The following SOX6 variants were observed in gnomAD, a reference collection of about 807,000 sequenced individuals.
SOX6 encodes SRY-box transcription factor 6.
A neutral mutation model predicts 97.8 loss-of-function variants in SOX6; 11 were observed. The observed-to-expected ratio is 0.11, with a 90% CI of 0.07 to 0.19. The LOEUF is 0.19. Ranked by LOEUF, SOX6 falls within the 10% of genes least tolerant of loss-of-function variation. SOX6 has a pLI of 1.00. For missense variants in SOX6, 810 were observed against 1,039.5 expected (o/e 0.78, Z 3.04); for synonymous variants, 360 against 371.4 (o/e 0.97, Z 0.35).
intron 6 of SOX6, among the ~76,000 whole-genome samples, chr11:16,183,349 C>T (rs1360440299): frequency 6.6e-6 from 1 of 151,896 alleles, no homozygotes; most frequent in South Asian, 2.1e-4. Flanking sequence ...AGTTTTTCTT[C>T]CTTTTTAGAC....
At chr11:16,652,845 G>A (rs556634170) in intron 3 of SOX6, among the ~76,000 whole-genome samples, 2 of 152,088 alleles carry the variant, frequency 1.3e-5, no homozygotes, top group South Asian at 4.2e-4. Context: ...AATAGGAGAA[G>A]ATATTCACAA....
At chr11:16,007,951 T>C (rs1270010541) in intron 13 of SOX6, among the ~76,000 whole-genome samples, 2 of 152,070 alleles carry the variant, frequency 1.3e-5, no homozygotes, top group Non-Finnish European at 2.9e-5. Context: ...TCAGTTGCTG[T>C]AGCAAGTTGG....
At chr11:16,254,245 A>C (rs1010990444) in intron 3 of SOX6, among the ~76,000 whole-genome samples, 3 of 152,080 alleles carry the variant, frequency 2.0e-5, no homozygotes, top group Non-Finnish European at 2.9e-5. Context: ...ATAGTTTAGA[A>C]ACTCAGATGT....
At chr11:16,008,245 G>T (rs904883131) in intron 13 of SOX6, among the ~76,000 whole-genome samples, 5 of 152,032 alleles carry the variant, frequency 3.3e-5, no homozygotes, top group Non-Finnish European at 5.9e-5. Context: ...TTTTTTGTGT[G>T]AATATTTTTT....
chr11:16,541,187 T>C (rs548083130), intron 4 of SOX6, among the ~76,000 whole-genome samples: 2 of 152,190 alleles, frequency 1.3e-5, no homozygotes, highest in Non-Finnish European at 2.9e-5. Flanking sequence ...AGCCATCTGA[T>C]CTTTGACAAA....
intron 4 of SOX6, among the ~76,000 whole-genome samples, chr11:16,597,524 A>C (rs1848226155): frequency 6.6e-6 from 1 of 151,930 alleles, no homozygotes; most frequent in South Asian, 2.1e-4. Context: ...TCTTCAAAAA[A>C]TCAAAATTGA....
At chr11:16,544,073 G>T (rs899867877) in intron 4 of SOX6, among the ~76,000 whole-genome samples, 1 of 152,030 alleles carries the variant, frequency 6.6e-6, no homozygotes, top group African/African-American at 2.4e-5. Context: ...CTAAAAAAAT[G>T]GATAAACTTA....
intron 1 of SOX6, among the ~76,000 whole-genome samples, chr11:16,447,712 T>C (rs867322816): frequency 2.6e-5 from 4 of 152,104 alleles, no homozygotes; most frequent in African/African-American, 9.7e-5. Flanking sequence ...CTAAATAATA[T>C]GAAGATCAAA....
intron 4 of SOX6, among the ~76,000 whole-genome samples, chr11:16,600,916 A>T (rs1427793480): frequency 6.6e-6 from 1 of 152,200 alleles, no homozygotes; most frequent in African/African-American, 2.4e-5. Flanking sequence ...ATTAATATAA[A>T]TTGCTTTTCC....
intron 3 of SOX6, chr11:16,313,741 A>C (rs2134293720): frequency 6.6e-6 from 1 of 152,022 alleles, no homozygotes; most frequent in South Asian, 2.1e-4. Flanking sequence ...ACTCAGAATA[A>C]AAAAATTCTC....
intron 1 of SOX6, among the ~76,000 whole-genome samples, chr11:16,342,731 A>T (rs1202243540): frequency 2.6e-5 from 4 of 151,952 alleles, no homozygotes; most frequent in Admixed American, 6.6e-5. Context: ...CTCACAATTA[A>T]TGAGGGGGCT....
At chr11:16,127,863 G>A (rs1290822482) in intron 6 of SOX6, among the ~76,000 whole-genome samples, 1 of 152,108 alleles carries the variant, frequency 6.6e-6, no homozygotes, top group Non-Finnish European at 1.5e-5. Flanking sequence ...ACATCATTAT[G>A]TATGATATAT....
intron 6 of SOX6, among the ~76,000 whole-genome samples, chr11:16,167,714 G>C (rs1850923831): frequency 6.6e-6 from 1 of 152,144 alleles, no homozygotes; most frequent in Admixed American, 6.6e-5. Context: ...ATATGCGTAT[G>C]ACTTGCTTCT....
At chr11:16,404,392 C>G (rs1228015698) in intron 1 of SOX6, among the ~76,000 whole-genome samples, 1 of 151,794 alleles carries the variant, frequency 6.6e-6, no homozygotes, top group Non-Finnish European at 1.5e-5. Flanking sequence ...AACACTACTG[C>G]TAAGAAGAGT....
At chr11:16,518,659 C>T (rs1047721217) in intron 4 of SOX6, among the ~76,000 whole-genome samples, 7 of 152,030 alleles carry the variant, frequency 4.6e-5, no homozygotes, top group Non-Finnish European at 1.0e-4. Flanking sequence ...AAAATCATAG[C>T]TAAGAAATTA....
At chr11:16,187,138 T>C (rs1035447142) in intron 4 of SOX6, among the ~76,000 whole-genome samples, 183 bp from the exon 5 acceptor site, 1 of 150,680 alleles carries the variant, frequency 6.6e-6, no homozygotes. Flanking sequence ...AAAGCTAGGG[T>C]TCCTCACTGT....
In SOX6 at chr11:16,706,472, ATATATATATATATAT is replaced by A. The variant is rs1164344642; in HGVS notation, n.429+8343_429+8357del. Among the ~76,000 whole-genome samples the A allele has an allele frequency of 3.4e-3, 56 of 16,504 alleles. 19 individuals carry two copies. Among genetic ancestry groups the A allele is most frequent in the East Asian group, 0.021 (7 of 336 alleles). 10.8% of individuals were successfully genotyped at this position (16,504 alleles called of 152,430 possible). ...CACAAAAAAAAAAAAAAAAAAAAAA[ATATATATATATATAT>A]ATATATATATATATATATATATATA... On this transcript the variant is annotated intron_variant and non_coding_transcript_variant, in intron 3 of 5. Transcript: ENST00000524520.
At chr11:16,627,407 A>G (rs186708367) in intron 3 of SOX6, among the ~76,000 whole-genome samples, 19 of 152,356 alleles carry the variant, frequency 1.2e-4, no homozygotes, top group Admixed American at 1.1e-3. Context: ...GCTCTTCACA[A>G]TAGCTGAACT....
chr11:16,676,052 A>G (rs1847881998), intron 3 of SOX6, among the ~76,000 whole-genome samples: 1 of 152,066 alleles, frequency 6.6e-6, no homozygotes. Context: ...GACTCCAACT[A>G]TGCATAACAG....
Sources: allele counts gnomAD v4.1 joint callset (sites outside exome capture counted in the v4.1 genomes callset), GRCh38; gene constraint gnomAD v4.1.1; transcripts MANE v1.5; gene names NCBI Gene and HGNC (gene_info 2026-07-23, HGNC 2026-07-21).